TRDN: variants seen among roughly 807,000 people sequenced by gnomAD.
TRDN encodes triadin in skeletal muscle.
TRDN carries 161 observed loss-of-function variants against 149.7 expected under a neutral mutation model. The observed-to-expected ratio is 1.08, with a 90% CI of 0.95 to 1.23. The LOEUF (loss-of-function observed/expected upper bound fraction) is 1.23, where lower values mean the gene tolerates loss of function less well. Among genes scored for constraint, TRDN ranks in the 50% most tolerant of loss-of-function variants. The pLI is 0.00. For missense variants in TRDN, 896 were observed against 823.5 expected (o/e 1.09, Z -1.08); for synonymous variants, 294 against 250.5 (o/e 1.17, Z -1.64).
chr6:123,346,519 A>G (rs192341074), intron 21 of TRDN, among the ~76,000 whole-genome samples: 362 of 152,126 alleles, frequency 2.4e-3, no homozygotes, highest in Admixed American at 4.3e-3. Flanking sequence ...AAGACTCTCA[A>G]AAAGGGTTTG....
rs966014445 is a variant in TRDN, at chr6:123,464,894, A to C, written c.931+12T>G. ...TACAATAGAGATCTTTAAGAAAAAAAAAAGTACTTGCCTTCAAGGGCAGGT... is the reference window on the plus strand; with the variant it reads ...TACAATAGAGATCTTTAAGAAAAAACAAAGTACTTGCCTTCAAGGGCAGGT... On this transcript the variant is annotated intron_variant, in intron 10 of 40. Transcript: ENST00000334268. 6.4e-7 allele frequency: 1 copy of C among 1,566,130 alleles called. No individual in the cohort carries two copies. The highest frequency in any genetic ancestry group is 8.7e-7 in the Non-Finnish European group (1 of 1,154,492).
intron 19 of TRDN, among the ~76,000 whole-genome samples, chr6:123,369,998 T>A (rs1781261242): frequency 6.6e-6 from 1 of 152,164 alleles, no homozygotes; most frequent in African/African-American, 2.4e-5. Flanking sequence ...CTACACTCAA[T>A]GTCACCACTT....
chr6:123,222,760 A>G (rs1016827918), intron 39 of TRDN, among the ~76,000 whole-genome samples: 5 of 151,834 alleles, frequency 3.3e-5, no homozygotes, highest in Non-Finnish European at 5.9e-5. Context: ...GCAAAGGTCT[A>G]ATATCCAGGA....
At chr6:123,264,110 A>G (rs939350009) in intron 33 of TRDN, among the ~76,000 whole-genome samples, 2 of 152,064 alleles carry the variant, frequency 1.3e-5, no homozygotes, top group Non-Finnish European at 2.9e-5. Context: ...TAATTTTGAC[A>G]TTCAAGTCTT....
rs1012119582 is a variant in TRDN at position 123,501,958 on chromosome 6, C to T, written c.793+1761G>A. On this transcript the variant is annotated intron_variant, in intron 8 of 40. Coordinates refer to ENST00000334268, the MANE Select transcript of TRDN (RefSeq NM_006073.4). ...AGTTTTTATCAATAAAATGTGGCTC[C>T]CAAATCCCCAAAGATATGAAAAATT... 6.1e-6 allele frequency: 6 copies of T among 984,696 alleles called. No individual in the cohort carries two copies. In the Admixed American group the frequency reaches 3.7e-4, roughly 61 times the overall value. The allele number at this position is 984,696 out of a possible 1,614,324, so 61.0% of individuals were successfully genotyped here.
intron 22 of TRDN, among the ~76,000 whole-genome samples, chr6:123,335,638 T>C (rs1779833896): frequency 6.6e-6 from 1 of 151,886 alleles, no homozygotes; most frequent in African/African-American, 2.4e-5. Context: ...ATGTGAAGAT[T>C]TTAAGTAATA....
intron 9 of TRDN, among the ~76,000 whole-genome samples, chr6:123,475,077 T>G (rs2114749753): frequency 6.7e-6 from 1 of 150,078 alleles, no homozygotes; most frequent in South Asian, 2.2e-4. Context: ...CTGAAGGAAA[T>G]AGAGATACAA....
At chr6:123,465,425 G>A (rs1256388135) in intron 9 of TRDN, among the ~76,000 whole-genome samples, 1 of 151,810 alleles carries the variant, frequency 6.6e-6, no homozygotes, top group Non-Finnish European at 1.5e-5. Flanking sequence ...AAAGAAGGTT[G>A]AAATTCATAG....
chr6:123,515,584 A>G (rs145938081), intron 6 of TRDN, among the ~76,000 whole-genome samples: 1 of 151,660 alleles, frequency 6.6e-6, no homozygotes, highest in Non-Finnish European at 1.5e-5. Flanking sequence ...TATCTGGAAA[A>G]CATACAATAA....
chr6:123,635,204 C>T (rs7775944), intron 1 of TRDN, among the ~76,000 whole-genome samples: 13,654 of 151,796 alleles, frequency 0.09, 1,044 homozygotes, highest in African/African-American at 0.21. Flanking sequence ...TTAAGGCAAA[C>T]TAAAAGCAAC....
intron 21 of TRDN, among the ~76,000 whole-genome samples, chr6:123,343,829 C>A (rs564952505): frequency 6.6e-6 from 1 of 152,134 alleles, no homozygotes; most frequent in Admixed American, 6.6e-5. Context: ...CCTGTACATT[C>A]TTTCTGTAAC....
chr6:123,385,285 G>A (rs970312920), intron 14 of TRDN, among the ~76,000 whole-genome samples: 8 of 151,996 alleles, frequency 5.3e-5, no homozygotes, highest in South Asian at 2.1e-4. Flanking sequence ...AAAATTAGCC[G>A]GGTGTGGTAG....
intron 10 of TRDN, among the ~76,000 whole-genome samples, chr6:123,447,922 A>G (rs12197678): frequency 6.6e-6 from 1 of 152,150 alleles, no homozygotes. Context: ...GAGTGCCCCA[A>G]CTGTGGAAGT....
Position 123,217,019 on chromosome 6 carries a change from A to G in TRDN, c.*1582T>C, listed in dbSNP as rs1774991296. 6.6e-6 allele frequency: 1 copy of G among 151,972 alleles called. No individual in the cohort carries two copies. Among genetic ancestry groups the G allele is most frequent in the African/African-American group, 2.4e-5 (1 of 41,408 alleles). 9.4% of individuals were successfully genotyped at this position (151,972 alleles called of 1,614,324 possible). On this transcript the variant is annotated 3_prime_UTR_variant, in exon 41 of 41. Coordinates refer to ENST00000334268, the MANE Select transcript of TRDN (RefSeq NM_006073.4). Reference sequence around the variant, plus strand: ...CCCACAAGTTTAGATTGTCACCTGAAGGGGCTTTGCAAGATGGTATTGTCT... The same window carrying G: ...CCCACAAGTTTAGATTGTCACCTGAGGGGGCTTTGCAAGATGGTATTGTCT...
intron 10 of TRDN, among the ~76,000 whole-genome samples, chr6:123,450,529 C>CT (rs1775706322): frequency 6.6e-6 from 1 of 152,096 alleles, no homozygotes; most frequent in Non-Finnish European, 1.5e-5. Context: ...GGTAAAAGGT[C>CT]TTGTCCAACA....
In TRDN at chr6:123,497,345, C is replaced by T. The variant is rs1583146960; in HGVS notation, c.794-93G>A. The T allele has an allele frequency of 3.7e-6, 3 of 807,860 alleles. No individual in the cohort carries two copies. In the East Asian group the frequency reaches 1.0e-4, roughly 27 times the overall value. 50.0% of individuals were successfully genotyped at this position (807,860 alleles called of 1,614,324 possible). On this transcript the variant is annotated intron_variant, in intron 8 of 40. Transcript: ENST00000334268. ...TAATTTAACAAAGCAAACAAAATAG[C>T]ACAATTCTATTTTGGTTACTACAAT...
At chr6:123,365,462 A>G (rs1781059207) in intron 20 of TRDN, among the ~76,000 whole-genome samples, 1 of 152,130 alleles carries the variant, frequency 6.6e-6, no homozygotes, top group Non-Finnish European at 1.5e-5. Flanking sequence ...CTATCTACCT[A>G]CAATCCTGTT....
chr6:123,390,727 T>C (rs1343878763), intron 13 of TRDN, among the ~76,000 whole-genome samples: 1 of 152,164 alleles, frequency 6.6e-6, no homozygotes, highest in African/African-American at 2.4e-5. Flanking sequence ...CTTGCCTGGT[T>C]CTAATCTACT....
chr6:123,320,302 A>C (rs1195540623), intron 23 of TRDN, among the ~76,000 whole-genome samples: 1 of 151,510 alleles, frequency 6.6e-6, no homozygotes, highest in African/African-American at 2.4e-5. Context: ...TCTATATTTT[A>C]TTGATATAAT....
Sources: allele counts gnomAD v4.1 joint callset (sites outside exome capture counted in the v4.1 genomes callset), GRCh38; gene constraint gnomAD v4.1.1; transcripts MANE v1.5; gene names NCBI Gene and HGNC (gene_info 2026-07-23, HGNC 2026-07-21).